The following MYH7B variants were observed in gnomAD, a reference collection of about 807,000 sequenced individuals.
MYH7B encodes myosin heavy chain 7B.
A neutral mutation model predicts 234.5 loss-of-function variants in MYH7B; 205 were observed. That is an observed-to-expected ratio of 0.87 (90% CI 0.78 to 0.98). The LOEUF (loss-of-function observed/expected upper bound fraction) is 0.98. MYH7B is among the 50% of genes least tolerant of loss of function. The probability of loss-of-function intolerance (pLI) is 0.00; values close to 1 mark genes in which losing one functional copy is unlikely to be tolerated. For synonymous variants in MYH7B, 1,193 were observed against 1,105.0 expected, an observed-to-expected ratio of 1.08 and a Z score of -1.58; for missense variants, 2,652 against 2,633.4, an observed-to-expected ratio of 1.01 and a Z score of -0.15.
intron 13 of MYH7B, 65 bp downstream of exon 13, chr20:34,985,194 C>A: frequency 6.6e-7 from 1 of 1,511,734 alleles, no homozygotes; most frequent in Non-Finnish European, 9.2e-7. Context: ...CCAACTCGGC[C>A]TCTGTCATCA....
At chr20:34,987,890 C>T (rs2082060631) in exon 18 of MYH7B, 16 of 1,606,570 alleles carry the variant, frequency 1.0e-5, no homozygotes, top group Admixed American at 1.7e-5. Flanking sequence ...GGGTTCTGGA[C>T]ATCGCTGGGT....
At chr20:34,987,612 C>T (rs770158519) in exon 17 of MYH7B, 2 of 1,614,104 alleles carry the variant, frequency 1.2e-6, no homozygotes, top group Non-Finnish European at 1.7e-6. Flanking sequence ...TCCTCAAAGG[C>T]CTTTTGCACC....
chr20:34,987,489 T>C (rs566206860), intron 16 of MYH7B, 68 bp from the exon 17 acceptor site: 2 of 1,465,916 alleles, frequency 1.4e-6, no homozygotes, highest in South Asian at 1.2e-5. Flanking sequence ...AGCCCCAGGC[T>C]GAGGCAGTAG....
chr20:34,965,746 C>T (rs749695223), intron 2 of MYH7B, among the ~76,000 whole-genome samples: 10 of 152,054 alleles, frequency 6.6e-5, no homozygotes, highest in Non-Finnish European at 8.8e-5. Flanking sequence ...AGTGGAGGCT[C>T]GAGAAGAAGG....
chr20:34,990,490 G>C (rs750446839), intron 22 of MYH7B, 180 bp downstream of exon 22: 3 of 907,102 alleles, frequency 3.3e-6, no homozygotes, highest in Admixed American at 1.7e-5. Context: ...ACGCTGCCTG[G>C]GCAGGGTTTG....
intron 2 of MYH7B, among the ~76,000 whole-genome samples, chr20:34,959,067 T>C (rs79162346): frequency 0.014 from 2,066 of 152,318 alleles, 42 homozygotes; most frequent in African/African-American, 0.047. Context: ...AAGGTAGAAA[T>C]CGTATCTCCA....
intron 14 of MYH7B, 70 bp downstream of exon 14, chr20:34,986,268 C>A: frequency 1.6e-6 from 2 of 1,257,896 alleles, no homozygotes; most frequent in Non-Finnish European, 2.3e-6. Context: ...TCCTGGCCCC[C>A]ATCAGGCCAG....
Position 34,998,729 on chromosome 20 carries a change from C to T in MYH7B, c.4004C>T (p.Ala1335Val), listed in dbSNP as rs750044568. ...CTGGTGTCCCTGCAGGCCAAGAGTGCCCTGGCCCACGCCGTGCAGGCTCTG... is the reference window on the plus strand; with the variant it reads ...CTGGTGTCCCTGCAGGCCAAGAGTGTCCTGGCCCACGCCGTGCAGGCTCTG... Residue 1335 changes from alanine to valine, a missense_variant, in exon 35 of 45, where the codon GCC (alanine) becomes GTC (valine). This residue lies in a region of MYH7B where 2,279 missense variants were observed against 2,211.4 expected (regional missense o/e 1.03). Coordinates refer to ENST00000262873, the Ensembl canonical transcript of MYH7B. 1.9e-6 allele frequency: 3 copies of T among 1,611,398 alleles called. No homozygotes were observed. In the African/African-American group the frequency reaches 4.0e-5, roughly 21 times the overall value.
chr20:35,001,033 G>A (rs747389309), exon 41 of MYH7B: 35 of 1,613,844 alleles, frequency 2.2e-5, no homozygotes, highest in Non-Finnish European at 2.7e-5. Flanking sequence ...GGACACAAGT[G>A]CACACCTGGA....
exon 29 of MYH7B, chr20:34,996,451 C>T (rs752357264): frequency 1.9e-6 from 3 of 1,613,318 alleles, no homozygotes; most frequent in South Asian, 1.1e-5. Context: ...CCTGGGTGAC[C>T]TGCAGGCCGA....
intron 2 of MYH7B, among the ~76,000 whole-genome samples, chr20:34,966,100 G>A (rs1600406387): frequency 1.3e-5 from 2 of 152,280 alleles, no homozygotes; most frequent in East Asian, 3.9e-4. Flanking sequence ...AGAATTCTTG[G>A]CTTCTGGCCC....
rs1417887060 is a variant in MYH7B at position 34,999,280 on chromosome 20, G to A, written c.4415G>A (p.Arg1472Gln). ...CGGCGGCAGGAGGAGGAGATGCAGC[G>A]GGAGCTGGAGGCGGCACAGAGGGAG... is the stretch of plus-strand genomic sequence containing the variant. The change falls in exon 36 of 45, where the codon CGG becomes CAG. Residue 1472 changes from arginine to glutamine, a missense_variant. By Grantham distance (43) the Arg-to-Gln change is conservative (BLOSUM62 1). Around this residue, in one of 3 missense-constraint regions of MYH7B, gnomAD observed 2,279 missense variants for 2,211.4 expected, o/e 1.03. Transcript: ENST00000262873. 4.4e-6 allele frequency: 7 copies of A among 1,593,322 alleles called. No homozygotes were observed. Among genetic ancestry groups the A allele is most frequent in the East Asian group, 2.3e-5 (1 of 44,006 alleles).
chr20:34,996,449 A>T, exon 29 of MYH7B: 1 of 1,613,222 alleles, frequency 6.2e-7, no homozygotes, highest in South Asian at 1.1e-5. Context: ...GCCCTGGGTG[A>T]CCTGCAGGCC....
At chr20:34,967,761 G>A (rs981189699) in intron 2 of MYH7B, among the ~76,000 whole-genome samples, 1 of 152,156 alleles carries the variant, frequency 6.6e-6, no homozygotes, top group Non-Finnish European at 1.5e-5. Context: ...TGGAGGGCAC[G>A]GGAGAGTGTT....
In MYH7B at chr20:35,002,071, G is replaced by A. The variant is rs771191903; in HGVS notation, c.5800G>A (p.Ala1934Thr). 13 of 1,613,844 alleles carry A rather than the reference G, an allele frequency of 8.1e-6. No homozygotes were observed. Among genetic ancestry groups the A allele is most frequent in the Admixed American group, 6.7e-5 (4 of 60,022 alleles). Residue 1934 changes from alanine to threonine, a missense_variant, in exon 44 of 45, where the codon GCC (alanine) becomes ACC (threonine). Ala to Thr is a moderately conservative substitution (Grantham distance 58). Transcript: ENST00000262873. Reference sequence around the variant, plus strand: ...CAAGCTGCGGGCACGGACCCGGGACGCCCTGGGCCCCAAGGTGAGGAGTGG... The same window carrying A: ...CAAGCTGCGGGCACGGACCCGGGACACCCTGGGCCCCAAGGTGAGGAGTGG...
chr20:34,983,883 C>T (rs982263389), intron 10 of MYH7B, among the ~76,000 whole-genome samples: 2 of 152,032 alleles, frequency 1.3e-5, no homozygotes, highest in African/African-American at 4.8e-5. Flanking sequence ...TCCCTTCTCT[C>T]CCTTTCTTCC....
chr20:34,987,033 G>A (rs2082039731), intron 15 of MYH7B, 44 bp downstream of exon 15: 2 of 1,610,222 alleles, frequency 1.2e-6, no homozygotes. Flanking sequence ...CGCCTGTGGT[G>A]GAATCGGGCA....
At chr20:34,980,821 C>A in intron 8 of MYH7B, 87 bp downstream of exon 8, 1 of 1,556,424 alleles carries the variant, frequency 6.4e-7, no homozygotes, top group Non-Finnish European at 8.7e-7. Flanking sequence ...CCCCCACTGG[C>A]ACTGCCCCCC....
chr20:34,984,976 G>C, intron 12 of MYH7B, 30 bp downstream of exon 12: 1 of 1,609,346 alleles, frequency 6.2e-7, no homozygotes, highest in Non-Finnish European at 8.5e-7. Flanking sequence ...GGGGTGGCGG[G>C]GATGCCGTAG....
Sources: gnomAD v4.1 joint callset for allele counts (sites outside exome capture counted in the v4.1 genomes callset) on GRCh38, gnomAD v4.1.1 for gene constraint, gnomAD v4.1.1 regional missense constraint, MANE v1.5 for transcripts, NCBI Gene and HGNC (gene_info 2026-07-23, HGNC 2026-07-21) for gene names.